ZDHHC9: variants seen among roughly 807,000 people sequenced by gnomAD.
ZDHHC9 encodes zDHHC palmitoyltransferase 9.
Under a neutral mutation model 26.6 loss-of-function variants are expected in ZDHHC9, and 3 were observed. That is an observed-to-expected ratio of 0.11 (90% CI 0.05 to 0.29). The LOEUF (loss-of-function observed/expected upper bound fraction) is 0.29. ZDHHC9 is among the 10% of genes least tolerant of loss of function. ZDHHC9 has a pLI of 1.00. For synonymous variants in ZDHHC9, 111 were observed against 109.4 expected (o/e 1.01, Z -0.09); for missense variants, 146 against 296.4 (o/e 0.49, Z 3.73).
chrX:129,812,592 G>A (rs893747554), intron 8 of ZDHHC9, 126 bp downstream of exon 8: 11 of 578,818 alleles, frequency 1.9e-5, no homozygotes, highest in Admixed American at 9.0e-5. Flanking sequence ...TAACAACCTC[G>A]CATACCACGT....
intron 3 of ZDHHC9, among the ~76,000 whole-genome samples, chrX:129,832,285 T>C (rs1928158896): frequency 9.0e-6 from 1 of 111,016 alleles, no homozygotes; most frequent in Admixed American, 9.7e-5. Flanking sequence ...CGTGAAAGTT[T>C]GGTGGTAATT....
At chrX:129,817,747 T>A (rs1927790371) in intron 5 of ZDHHC9, among the ~76,000 whole-genome samples, 1 of 110,771 alleles carries the variant, frequency 9.0e-6, no homozygotes, top group Non-Finnish European at 1.9e-5. Context: ...TGTGTCTTTT[T>A]TTTTTTCACA....
Position 129,806,015 on chromosome X carries a change from A to C in ZDHHC9, c.*355T>G. 4.2e-6 allele frequency: 1 copy of C among 238,595 alleles called. No individual in the cohort carries two copies. Among genetic ancestry groups the C allele is most frequent in the Non-Finnish European group, 7.7e-6 (1 of 129,901 alleles). The allele number at this position is 238,595 out of a possible 1,213,427, so 19.7% of individuals were successfully genotyped here. A position where few individuals can be genotyped will look rare whatever the true frequency, so the allele number is the denominator to read the frequency against. ...GGGAGGATTTGAGCCAGTCTCAAAA[A>C]CTTTTAGCCCCAGAATGAGACCAGT... On this transcript the variant is annotated 3_prime_UTR_variant, in exon 11 of 11. Coordinates refer to ENST00000357166, the MANE Select transcript of ZDHHC9 (RefSeq NM_016032.4).
chrX:129,843,351 G>T (rs1424909970), intron 1 of ZDHHC9, 25 bp from the exon 2 acceptor site: 1 of 112,276 alleles, frequency 8.9e-6, no homozygotes, highest in Non-Finnish European at 1.9e-5. Flanking sequence ...ATCAAAATCC[G>T]TCGGGAAGCA....
chrX:129,813,559 T>C (rs895843544), intron 7 of ZDHHC9, 118 bp downstream of exon 7: 2 of 751,465 alleles, frequency 2.7e-6, no homozygotes, highest in African/African-American at 4.3e-5. Flanking sequence ...TAAATTATTT[T>C]AGACCTTGGC....
chrX:129,815,334 C>A (rs1927734838), intron 5 of ZDHHC9, among the ~76,000 whole-genome samples: 1 of 111,955 alleles, frequency 8.9e-6, no homozygotes, highest in South Asian at 3.7e-4. Context: ...AATTACGTGA[C>A]AATTGGCTAT....
chrX:129,839,421 C>T (rs1282260645), intron 3 of ZDHHC9, among the ~76,000 whole-genome samples: 1 of 110,142 alleles, frequency 9.1e-6, no homozygotes, highest in African/African-American at 3.3e-5. Context: ...CCATGTTGGC[C>T]AGGCTGGTCT....
Position 129,823,754 on chromosome X carries a change from G to T in ZDHHC9, c.412C>A (p.Leu138Met), listed in dbSNP as rs142944444. The change falls in exon 5 of 11, where the codon CTG becomes ATG. Residue 138 changes from leucine (L) to methionine (M), a missense_variant. Physicochemically the swap from Leu to Met is conservative, Grantham distance 15. This residue lies in a region of ZDHHC9 where 100 missense variants were observed against 250.0 expected (regional missense o/e 0.40). Transcript: ENST00000357166. Reference protein sequence around the residue: ...NFQINNQIVKLKYCYTCKIFR... With the variant: ...NFQINNQIVKMKYCYTCKIFR... ...ATCTTGCATGTGTAACAGTATTTCAGTTTCACAATCTGGTTGTTTATCTGG... is the reference window on the plus strand; with the variant it reads ...ATCTTGCATGTGTAACAGTATTTCATTTTCACAATCTGGTTGTTTATCTGG... 2 of 1,211,215 alleles carry T rather than the reference G, an allele frequency of 1.7e-6. No homozygotes were observed. The highest frequency in any genetic ancestry group is 4.4e-5 in the Admixed American group (2 of 45,952).
chrX:129,840,722 A>G (rs765053024), intron 3 of ZDHHC9, among the ~76,000 whole-genome samples: 1 of 110,820 alleles, frequency 9.0e-6, no homozygotes, highest in East Asian at 2.8e-4. Flanking sequence ...CAACCACCCA[A>G]AAGTCTGGCA....
Position 129,810,997 on chromosome X carries a change from G to A in ZDHHC9, c.886C>T (p.Leu296=), listed in dbSNP as rs775018768. The A allele has an allele frequency of 1.5e-5, 18 of 1,205,065 alleles. No homozygotes were observed. In the South Asian group the frequency reaches 3.0e-4, roughly 20 times the overall value. Residue 296 remains leucine, a synonymous_variant, in exon 10 of 11, where the codon CTG becomes TTG. Transcript: ENST00000357166. ...VLCGPLPPSV[L]DRRGILPLEE... is the part of the protein sequence containing the mutation. ...AGTGGCAAAATACCCCTTCGATCCAGCACACTGAAGGAGATAAGAGAGTTA... is the reference window on the plus strand; with the variant it reads ...AGTGGCAAAATACCCCTTCGATCCAACACACTGAAGGAGATAAGAGAGTTA...
In ZDHHC9 at chrX:129,803,355, C is replaced by A. The variant is rs769683012; in HGVS notation, c.*3015G>T. On this transcript the variant is annotated 3_prime_UTR_variant, in exon 11 of 11. Coordinates refer to ENST00000357166, the MANE Select transcript of ZDHHC9 (RefSeq NM_016032.4). ...GCTCCTTCATTAATTGGCTTCCCCC[C>A]AAAAGAAAGATTTCTTTATTAAGAA... 8.9e-6 allele frequency: 1 copy of A among 112,120 alleles called. No homozygotes were observed. Among genetic ancestry groups the A allele is most frequent in the Non-Finnish European group, 1.9e-5 (1 of 53,177 alleles). 9.2% of individuals were successfully genotyped at this position (112,120 alleles called of 1,213,427 possible). A position where few individuals can be genotyped will look rare whatever the true frequency, so the allele number is the denominator to read the frequency against.
At chrX:129,830,811 G>C (rs1277968911) in intron 3 of ZDHHC9, among the ~76,000 whole-genome samples, 4 of 111,655 alleles carry the variant, frequency 3.6e-5, no homozygotes, top group Non-Finnish European at 7.5e-5. Flanking sequence ...TCTTCCCCTA[G>C]CTCCCTGCCA....
intron 5 of ZDHHC9, chrX:129,823,457 G>A: frequency 4.9e-6 from 2 of 412,126 alleles, no homozygotes. Flanking sequence ...AGAGGTTTTT[G>A]TAAAGTTTAG....
rs1242322529 is a variant in ZDHHC9 at position 129,806,440 on chromosome X, C to T, written c.1025G>A (p.Ser342Asn). The T allele has an allele frequency of 1.7e-6, 2 of 1,209,774 alleles. No individual in the cohort carries two copies. Among genetic ancestry groups the T allele is most frequent in the Non-Finnish European group, 2.2e-6 (2 of 895,249 alleles). Residue 342 changes from serine (S) to asparagine (N), a missense_variant, in exon 11 of 11, where the codon AGC becomes AAC. Ser to Asn is a conservative substitution (Grantham distance 46). This residue lies in a region of ZDHHC9 where 46 missense variants were observed against 46.4 expected (regional missense o/e 0.99). Transcript: ENST00000357166. ...LNSNEMPEDS[S>N]TPEEMPPPEP... ...TGGAGGTGGCATCTCTTCGGGAGTGCTGCTGTCCTCCGGCATCTCATTTGA... is the reference window on the plus strand; with the variant it reads ...TGGAGGTGGCATCTCTTCGGGAGTGTTGCTGTCCTCCGGCATCTCATTTGA...
At chrX:129,823,472 G>C in intron 5 of ZDHHC9, 1 of 425,107 alleles carries the variant, frequency 2.4e-6, no homozygotes, top group African/African-American at 2.7e-5. Context: ...GTTTAGGCTA[G>C]AGGATATTTA....
Position 129,806,110 on chromosome X carries a change from A to G in ZDHHC9, c.*260T>C. Reference sequence around the variant, plus strand: ...CCAAGGGGACCCTGTGGCTGAGGCCATGGAGAACCAGTGCCAGGGCCCAAG... The same window carrying G: ...CCAAGGGGACCCTGTGGCTGAGGCCGTGGAGAACCAGTGCCAGGGCCCAAG... On this transcript the variant is annotated 3_prime_UTR_variant, in exon 11 of 11. Transcript: ENST00000357166. The G allele has an allele frequency of 2.7e-6, 1 of 374,748 alleles. No homozygotes were observed. Among genetic ancestry groups the G allele is most frequent in the Non-Finnish European group, 4.7e-6 (1 of 211,972 alleles). 30.9% of individuals were successfully genotyped at this position (374,748 alleles called of 1,213,427 possible).
At chrX:129,841,505 G>A (rs745817206) in intron 3 of ZDHHC9, among the ~76,000 whole-genome samples, 2 of 112,213 alleles carry the variant, frequency 1.8e-5, no homozygotes, top group African/African-American at 3.2e-5. Context: ...AAAGGGAGAG[G>A]TGAGTAATTA....
intron 4 of ZDHHC9, among the ~76,000 whole-genome samples, chrX:129,827,821 T>TTTC: frequency 1.2e-5 from 1 of 84,533 alleles, no homozygotes; most frequent in Middle Eastern, 6.5e-3. Flanking sequence ...TTGTTTGTTT[T>TTTC]GGTTTGGTTT....
chrX:129,828,842 GTC>G, intron 4 of ZDHHC9, 137 bp downstream of exon 4: 1 of 855,041 alleles, frequency 1.2e-6, no homozygotes, highest in African/African-American at 2.0e-5. Flanking sequence ...TCACGGGGTA[GTC>G]ATGATCTCAG....
Sources: gnomAD v4.1 joint callset for allele counts (sites outside exome capture counted in the v4.1 genomes callset) on GRCh38, gnomAD v4.1.1 for gene constraint, gnomAD v4.1.1 regional missense constraint, MANE v1.5 for transcripts, NCBI Gene and HGNC (gene_info 2026-07-23, HGNC 2026-07-21) for gene names.